The following TRAPPC9 variants were observed in gnomAD, a reference collection of about 807,000 sequenced individuals.
TRAPPC9 encodes IKK2 binding protein.
In TRAPPC9, 83 loss-of-function variants were observed where a neutral mutation model predicts 124.0. The observed-to-expected ratio is 0.67, with a 90% confidence interval of 0.56 to 0.80. The LOEUF is 0.80. TRAPPC9 is among the 30% of genes least tolerant of loss of function. The pLI is 0.00. For synonymous variants in TRAPPC9, 638 were observed against 617.5 expected, an observed-to-expected ratio of 1.03 and a Z score of -0.49; for missense variants, 1,302 against 1,508.3, an observed-to-expected ratio of 0.86 and a Z score of 2.27.
At chr8:140,377,359 C>T (rs890510478) in intron 7 of TRAPPC9, among the ~76,000 whole-genome samples, 3 of 152,010 alleles carry the variant, frequency 2.0e-5, no homozygotes, top group African/African-American at 4.8e-5. Context: ...AGCGCAGTGG[C>T]GTAATCTCGG....
At chr8:139,958,928 C>CA (rs1835179625) in intron 19 of TRAPPC9, among the ~76,000 whole-genome samples, 12,004 of 104,798 alleles carry the variant, frequency 0.11, 727 homozygotes, top group Non-Finnish European at 0.15. Context: ...CCGAGTCACA[C>CA]GGGGGAGCAC....
chr8:140,263,831 G>A (rs1170782298), intron 15 of TRAPPC9, among the ~76,000 whole-genome samples: 1 of 152,136 alleles, frequency 6.6e-6, no homozygotes, highest in Non-Finnish European at 1.5e-5. Context: ...TGACCTAGAG[G>A]CTTCCGACTA....
intron 17 of TRAPPC9, among the ~76,000 whole-genome samples, chr8:140,035,812 G>A (rs1005284235): frequency 2.0e-5 from 3 of 152,178 alleles, no homozygotes; most frequent in Non-Finnish European, 2.9e-5. Context: ...CTTGCTCCAC[G>A]TGAGCCCACA....
chr8:140,286,165 C>T (rs2065477977), intron 13 of TRAPPC9, among the ~76,000 whole-genome samples: 1 of 152,222 alleles, frequency 6.6e-6, no homozygotes, highest in African/African-American at 2.4e-5. Flanking sequence ...GGGTGATAAG[C>T]ACTCGATGGG....
chr8:140,457,644 C>T lies in TRAPPC9; in HGVS notation c.-16G>A. 3.0e-6 allele frequency: 3 copies of T among 986,410 alleles called. No individual in the cohort carries two copies. The highest frequency in any genetic ancestry group is 3.6e-6 in the Non-Finnish European group (3 of 830,618). 61.1% of individuals were successfully genotyped at this position (986,410 alleles called of 1,614,324 possible). On this transcript the variant is annotated 5_prime_UTR_variant, in exon 1 of 23. Coordinates refer to ENST00000438773, the MANE Select transcript of TRAPPC9 (RefSeq NM_001160372.4). Reference sequence around the variant, plus strand: ...CCCCCCCGCTTTGCACTTACACAGCCGGTGGCCCCGGGCCCGGAGCGGGAG... The same window carrying T: ...CCCCCCCGCTTTGCACTTACACAGCTGGTGGCCCCGGGCCCGGAGCGGGAG...
intron 18 of TRAPPC9, among the ~76,000 whole-genome samples, chr8:139,991,368 C>T (rs1453485952): frequency 6.6e-6 from 1 of 152,112 alleles, no homozygotes; most frequent in Non-Finnish European, 1.5e-5. Flanking sequence ...GGCGTCTGAT[C>T]TAGTGTTTCT....
At chr8:139,813,842 G>C (rs1441166293) in intron 21 of TRAPPC9, among the ~76,000 whole-genome samples, 1 of 152,204 alleles carries the variant, frequency 6.6e-6, no homozygotes, top group African/African-American at 2.4e-5. Flanking sequence ...GACAGCGCCA[G>C]GGCAGAGGTG....
intron 21 of TRAPPC9, among the ~76,000 whole-genome samples, chr8:139,863,440 C>T (rs1456775751): frequency 6.6e-6 from 1 of 152,236 alleles, no homozygotes; most frequent in Non-Finnish European, 1.5e-5. Flanking sequence ...CCTCTTTCCC[C>T]TGGCAGGACA....
intron 19 of TRAPPC9, among the ~76,000 whole-genome samples, chr8:139,967,962 A>G (rs1041697677): frequency 2.6e-5 from 4 of 152,090 alleles, no homozygotes; most frequent in African/African-American, 9.7e-5. Flanking sequence ...AACATGGTGA[A>G]ACCCTGTCTC....
At chr8:140,308,427 T>C (rs2066197262) in intron 10 of TRAPPC9, among the ~76,000 whole-genome samples, 1 of 151,746 alleles carries the variant, frequency 6.6e-6, no homozygotes, top group Admixed American at 6.6e-5. Flanking sequence ...ACACTGAATC[T>C]CAGGCAGTTC....
rs981115326 is a variant in TRAPPC9, at chr8:140,087,896, C to T, written c.2557-63817G>A. 1.3e-5 allele frequency among the ~76,000 whole-genome samples: 2 copies of T among 152,122 alleles called. No homozygotes were observed. Among genetic ancestry groups the T allele is most frequent in the Non-Finnish European group, 2.9e-5 (2 of 68,034 alleles). ...CCATCACTGACAAGGTCCTGGAGAG[C>T]AGGCTTCAGCTCCCAGCTCCTCCAT... On this transcript the variant is annotated intron_variant, in intron 17 of 22. Transcript: ENST00000438773. This position sits in a 1 kb window ranked among gnomAD's most constrained non-coding sequence, Gnocchi z 4.6.
chr8:139,938,566 T>G (rs970261018), intron 19 of TRAPPC9, among the ~76,000 whole-genome samples: 1 of 151,774 alleles, frequency 6.6e-6, no homozygotes. Flanking sequence ...ATTACAGGCA[T>G]GAGCCACTGT....
chr8:140,427,360 C>CTA lies in TRAPPC9; in HGVS notation c.860-721_860-720dup, dbSNP rs199787407. Among the ~76,000 whole-genome samples the CTA allele has an allele frequency of 2.6e-3, 378 of 147,082 alleles. 1 individual carries two copies. Among genetic ancestry groups the CTA allele is most frequent in the African/African-American group, 8.7e-3 (351 of 40,538 alleles). On this transcript the variant is annotated intron_variant, in intron 4 of 22. Transcript: ENST00000438773. ...CACAACCCCCCTAAAATACATCTCTCTATATATATATCTCTCTCTCACACA... is the reference window on the plus strand; with the variant it reads ...CACAACCCCCCTAAAATACATCTCTCTATATATATATATCTCTCTCTCACACA...
intron 17 of TRAPPC9, among the ~76,000 whole-genome samples, chr8:140,146,528 C>T (rs1431433932): frequency 6.6e-6 from 1 of 152,182 alleles, no homozygotes; most frequent in Non-Finnish European, 1.5e-5. Flanking sequence ...TCTAATTCAA[C>T]TTCTATTTCA....
intron 17 of TRAPPC9, among the ~76,000 whole-genome samples, chr8:140,167,888 C>T (rs529451180): frequency 6.6e-6 from 1 of 152,330 alleles, no homozygotes; most frequent in South Asian, 2.1e-4. Context: ...GAGGGTTCTG[C>T]TCTGAATGAA....
chr8:140,453,868 G>A (rs1229181510), intron 1 of TRAPPC9, among the ~76,000 whole-genome samples: 1 of 152,220 alleles, frequency 6.6e-6, no homozygotes, highest in African/African-American at 2.4e-5. Flanking sequence ...CTGAGCGGGG[G>A]AGACTGGAGC....
intron 17 of TRAPPC9, among the ~76,000 whole-genome samples, chr8:140,115,297 T>A (rs1302475715): frequency 6.6e-6 from 1 of 151,714 alleles, no homozygotes; most frequent in African/African-American, 2.4e-5. Context: ...AGATGGAGTC[T>A]TGCTCTGTCG....
intron 5 of TRAPPC9, among the ~76,000 whole-genome samples, chr8:140,419,438 A>T (rs7463432): frequency 1.6e-4 from 23 of 143,558 alleles, no homozygotes; most frequent in African/African-American, 6.2e-4. Context: ...CAAAAAAAAA[A>T]AAAAAAAAAA....
chr8:140,052,360 G>T (rs942039976), intron 17 of TRAPPC9, among the ~76,000 whole-genome samples: 2 of 152,186 alleles, frequency 1.3e-5, no homozygotes, highest in Non-Finnish European at 2.9e-5. Context: ...GTAATGGCCG[G>T]GCATGAGGGC....
Sources: gnomAD v4.1 joint callset for allele counts (sites outside exome capture counted in the v4.1 genomes callset) on GRCh38, gnomAD v4.1.1 for gene constraint, Gnocchi (gnomAD v3.1) non-coding constraint, MANE v1.5 for transcripts, NCBI Gene and HGNC (gene_info 2026-07-23, HGNC 2026-07-21) for gene names.